The following TESMIN variants were observed in gnomAD, a reference collection of about 807,000 sequenced individuals.
TESMIN encodes the protein CXC domain containing 2.
Under a neutral mutation model 47.4 loss-of-function variants are expected in TESMIN, and 34 were observed. That is an observed-to-expected ratio of 0.72 (90% CI 0.55 to 0.96). The LOEUF (loss-of-function observed/expected upper bound fraction) is 0.96, where lower values mean the gene tolerates loss of function less well. TESMIN is among the 40% of genes least tolerant of loss of function. TESMIN has a pLI of 0.00. For synonymous variants in TESMIN, 278 were observed against 258.9 expected (o/e 1.07, Z -0.71); for missense variants, 610 against 637.2 (o/e 0.96, Z 0.46).
chr11:68,722,065 C>T (rs1376896293), intron 6 of TESMIN, among the ~76,000 whole-genome samples: 1 of 152,124 alleles, frequency 6.6e-6, no homozygotes, highest in Non-Finnish European at 1.5e-5. Context: ...CGTGATTCAT[C>T]CATACAATGG....
chr11:68,725,584 A>G (rs564014115), intron 6 of TESMIN, among the ~76,000 whole-genome samples: 6 of 152,242 alleles, frequency 3.9e-5, no homozygotes, highest in South Asian at 2.1e-4. Context: ...CCACAGGCAT[A>G]TTGAATCATG....
chr11:68,745,300 CAAAAA>C (rs71993839), intron 3 of TESMIN, among the ~76,000 whole-genome samples, 189 bp from the exon 4 acceptor site: 6 of 72,474 alleles, frequency 8.3e-5, no homozygotes, highest in African/African-American at 3.0e-4. Flanking sequence ...CACCAAAGGG[CAAAAA>C]AAAAAAAAAA....
chr11:68,736,228 T>C (rs947501271), intron 6 of TESMIN: 1 of 985,404 alleles, frequency 1.0e-6, no homozygotes, highest in African/African-American at 1.7e-5. Flanking sequence ...AGATTGGTAA[T>C]AGGATTATTA....
At chr11:68,738,549 T>C (rs1946415579) in intron 6 of TESMIN, 151 bp downstream of exon 6, 18 of 1,430,134 alleles carry the variant, frequency 1.3e-5, no homozygotes, top group Non-Finnish European at 1.6e-5. Context: ...GCAACACCGT[T>C]AGTGGCATTG....
intron 6 of TESMIN, chr11:68,737,358 C>T (rs910774544): frequency 7.2e-5 from 71 of 985,584 alleles, no homozygotes; most frequent in Non-Finnish European, 7.6e-5. Context: ...ACTGAAGCAG[C>T]GGTGCCCAGG....
At chr11:68,708,811 G>A (rs1417939339) in intron 9 of TESMIN, among the ~76,000 whole-genome samples, 2 of 151,096 alleles carry the variant, frequency 1.3e-5, no homozygotes, top group African/African-American at 2.4e-5. Context: ...GGAGTGCAAT[G>A]GCACGATCTC....
chr11:68,745,141 T>C (rs1946502952), intron 3 of TESMIN, 30 bp from the exon 4 acceptor site: 3 of 1,570,050 alleles, frequency 1.9e-6, no homozygotes, highest in African/African-American at 1.4e-5. Context: ...TCAGGTTTCA[T>C]TTTTGAAACA....
chr11:68,716,025 C>A, intron 6 of TESMIN, 86 bp from the exon 7 acceptor site: 1 of 879,470 alleles, frequency 1.1e-6, no homozygotes, highest in Non-Finnish European at 1.9e-6. Context: ...AAGGAAAGAG[C>A]GGGCAGTGTG....
Position 68,742,320 on chromosome 11 carries a change from G to T in TESMIN, c.826C>A (p.Gln276Lys). 1 of 1,576,454 alleles carries T rather than the reference G, an allele frequency of 6.3e-7. No individual in the cohort carries two copies. The highest frequency in any genetic ancestry group is 1.4e-5 in the African/African-American group (1 of 73,980). Reference sequence around the variant, plus strand: ...TTTAAATTAAAACAATGACTCACTTGTTGTGTAATGAGATTTAATTTTGTT... The same window carrying T: ...TTTAAATTAAAACAATGACTCACTTTTTGTGTAATGAGATTTAATTTTGTT... ...ASTKLNLITQ[Q>K]LEGALPSVVN... Residue 276 changes from glutamine to lysine, a missense_variant and splice_region_variant, in exon 5 of 10, where the codon CAA becomes AAA. By Grantham distance (53) the Gln-to-Lys change is moderately conservative. Coordinates refer to ENST00000255087, the MANE Select transcript of TESMIN (RefSeq NM_004923.3).
intron 7 of TESMIN, 59 bp from the exon 8 acceptor site, chr11:68,713,466 T>C: frequency 5.1e-6 from 8 of 1,580,686 alleles, no homozygotes; most frequent in East Asian, 2.2e-5. Flanking sequence ...CTCAGCTCAA[T>C]GAAGGGCATC....
At chr11:68,741,003 CTT>C (rs1183102329) in intron 5 of TESMIN, among the ~76,000 whole-genome samples, 1 of 152,060 alleles carries the variant, frequency 6.6e-6, no homozygotes, top group Non-Finnish European at 1.5e-5. Context: ...TGACTCCTCT[CTT>C]TCTCTCACAT....
chr11:68,728,220 G>A (rs986772178), intron 6 of TESMIN, among the ~76,000 whole-genome samples: 4 of 152,180 alleles, frequency 2.6e-5, no homozygotes, highest in South Asian at 4.1e-4. Flanking sequence ...AAAAGCTTTC[G>A]GAGGAAATTA....
intron 9 of TESMIN, among the ~76,000 whole-genome samples, 183 bp from the exon 10 acceptor site, chr11:68,708,683 C>T (rs1369991276): frequency 6.6e-6 from 1 of 152,108 alleles, no homozygotes; most frequent in African/African-American, 2.4e-5. Context: ...GTAATCCCAG[C>T]ACCTTGGGAG....
chr11:68,735,302 G>T (rs1168673960), intron 6 of TESMIN, among the ~76,000 whole-genome samples: 2 of 152,124 alleles, frequency 1.3e-5, no homozygotes, highest in East Asian at 1.9e-4. Flanking sequence ...CCCTGAGCTG[G>T]GGCACAGGGT....
Position 68,708,495 on chromosome 11 carries a change from G to A in TESMIN, c.1340C>T (p.Pro447Leu). 5 of 1,606,296 alleles carry A rather than the reference G, an allele frequency of 3.1e-6. No homozygotes were observed. In the East Asian group the frequency reaches 6.7e-5, roughly 21 times the overall value. The change falls in exon 10 of 10, where the codon CCT becomes CTT. Residue 447 changes from proline (P) to leucine (L), a missense_variant. Pro to Leu is a moderately conservative substitution (Grantham distance 98). Coordinates refer to ENST00000255087, the MANE Select transcript of TESMIN (RefSeq NM_004923.3). ...GLPRFSHDRR[P>L]SSCISWEVVE... is the part of the protein sequence containing the mutation. ...CACCTCCCAGGAGATGCATGAGGAA[G>A]GCCGCCTGTCAGAAACAGAGCAGTT...
At chr11:68,712,552 G>T (rs540863971) in intron 8 of TESMIN, among the ~76,000 whole-genome samples, 1 of 152,344 alleles carries the variant, frequency 6.6e-6, no homozygotes, top group South Asian at 2.1e-4. Flanking sequence ...GGGCCTAAGG[G>T]TTCCCTCACT....
Position 68,717,585 on chromosome 11 carries a change from G to A in TESMIN, c.918-1646C>T, listed in dbSNP as rs143517957. ...GAAGATTTGGACACCAGATAGCAGAGGGGCGAGAGAACTGGCGTGGCAGAC... is the reference window on the plus strand; with the variant it reads ...GAAGATTTGGACACCAGATAGCAGAAGGGCGAGAGAACTGGCGTGGCAGAC... On this transcript the variant is annotated intron_variant, in intron 6 of 9. Transcript: ENST00000255087. Among the ~76,000 whole-genome samples the A allele has an allele frequency of 1.5e-3, 236 of 152,346 alleles. 1 individual carries two copies. The highest frequency in any genetic ancestry group is 5.6e-3 in the African/African-American group (231 of 41,564).
At chr11:68,708,756 C>CA (rs1309930893) in intron 9 of TESMIN, among the ~76,000 whole-genome samples, 6 of 101,854 alleles carry the variant, frequency 5.9e-5, no homozygotes, top group Non-Finnish European at 1.4e-4. Context: ...CAAAGTGAGA[C>CA]CCTTTTTTTT....
intron 3 of TESMIN, 136 bp from the exon 4 acceptor site, chr11:68,745,247 C>G: frequency 1.5e-6 from 1 of 670,112 alleles, no homozygotes; most frequent in Non-Finnish European, 2.2e-6. Context: ...AACTATAGAT[C>G]TGTTTTCGAT....
Sources: allele counts gnomAD v4.1 joint callset (sites outside exome capture counted in the v4.1 genomes callset), GRCh38; gene constraint gnomAD v4.1.1; transcripts MANE v1.5; gene names NCBI Gene and HGNC (gene_info 2026-07-23, HGNC 2026-07-21).